ABCC4: variants seen among roughly 807,000 people sequenced by gnomAD.
ABCC4 encodes the protein ATP binding cassette subfamily C member 4 (PEL blood group).
A neutral mutation model predicts 168.5 loss-of-function variants in ABCC4; 102 were observed. The ratio of observed to expected loss-of-function variants is 0.61; its 90% confidence interval spans 0.52 to 0.71. The LOEUF (loss-of-function observed/expected upper bound fraction) is 0.71. Among genes scored for constraint, ABCC4 ranks in the 30% least tolerant of loss-of-function variants. The pLI is 0.00. For missense variants in ABCC4, 1,402 were observed against 1,605.8 expected (o/e 0.87, Z 2.17); for synonymous variants, 617 against 590.7 (o/e 1.04, Z -0.65).
chr13:95,290,934 G>A (rs1353666664), intron 1 of ABCC4, among the ~76,000 whole-genome samples: 1 of 144,540 alleles, frequency 6.9e-6, no homozygotes, highest in African/African-American at 2.6e-5. Context: ...GGAGGCAGAG[G>A]TTGTACTGAG....
chr13:95,262,007 G>A lies in ABCC4; in HGVS notation c.75-14254C>T, dbSNP rs181480634. On this transcript the variant is annotated intron_variant, in intron 1 of 30. Transcript: ENST00000645237. ...TAGTCCTAGCCACTCTGGAGGCTGA[G>A]GTAGGAGGAATGCTTGAGCCCAGGG... 1.1e-3 allele frequency among the ~76,000 whole-genome samples: 170 copies of A among 152,276 alleles called. 8 individuals carry two copies. The South Asian group carries it at 0.031, about 28-fold the overall frequency.
intron 4 of ABCC4, among the ~76,000 whole-genome samples, chr13:95,226,220 C>A (rs977386208): frequency 6.6e-6 from 1 of 151,310 alleles, no homozygotes; most frequent in Non-Finnish European, 1.5e-5. Flanking sequence ...CAACAGTTTC[C>A]TGTAAAACTT....
intron 25 of ABCC4, among the ~76,000 whole-genome samples, chr13:95,066,044 T>C (rs1482456568): frequency 6.6e-6 from 1 of 152,234 alleles, no homozygotes; most frequent in East Asian, 1.9e-4. Context: ...CTTAGCTCCA[T>C]GAGCAGGATT....
chr13:95,037,728 A>T (rs1047931336), intron 29 of ABCC4, among the ~76,000 whole-genome samples: 6 of 152,230 alleles, frequency 3.9e-5, no homozygotes, highest in Non-Finnish European at 2.9e-5. Context: ...TAATAACTGC[A>T]TATTTTAAGA....
At chr13:95,258,492 G>T (rs3764050) in intron 1 of ABCC4, among the ~76,000 whole-genome samples, 1 of 152,112 alleles carries the variant, frequency 6.6e-6, no homozygotes, top group Non-Finnish European at 1.5e-5. Flanking sequence ...CCTCATTGTC[G>T]ATCATTTATA....
At chr13:95,141,686 G>T (rs1463116204) in intron 19 of ABCC4, among the ~76,000 whole-genome samples, 1 of 152,216 alleles carries the variant, frequency 6.6e-6, no homozygotes, top group South Asian at 2.1e-4. Context: ...GCCAAAAAAA[G>T]AGAAGCTAAT....
chr13:95,167,528 C>T, intron 14 of ABCC4, among the ~76,000 whole-genome samples: 1 of 152,160 alleles, frequency 6.6e-6, no homozygotes, highest in East Asian at 1.9e-4. Flanking sequence ...GGTGGGTCCA[C>T]TGAGGAAAAT....
At chr13:95,222,985 T>G (rs1032077892) in intron 4 of ABCC4, among the ~76,000 whole-genome samples, 7 of 151,978 alleles carry the variant, frequency 4.6e-5, no homozygotes, top group African/African-American at 1.7e-4. Flanking sequence ...GCTACCCAGG[T>G]TGAGCACTAA....
Position 95,234,732 on chromosome 13 carries a change from A to G in ABCC4, c.409T>C (p.Tyr137His). Reference sequence around the variant, plus strand: ...GTGCAAAAAGTCAGCACCGTGGCATAGGCGTACGCTGTGTTCAAAGCCACA... The same window carrying G: ...GTGCAAAAAGTCAGCACCGTGGCATGGGCGTACGCTGTGTTCAAAGCCACA... Reference protein sequence around the residue: ...DSVALNTAYAYATVLTFCTLI... With the variant: ...DSVALNTAYAHATVLTFCTLI... The change falls in exon 4 of 31, where the codon TAT becomes CAT. Residue 137 changes from tyrosine to histidine, a missense_variant. By Grantham distance (83) the Tyr-to-His change is moderately conservative. Around this residue, in one of 3 missense-constraint regions of ABCC4, gnomAD observed 317 missense variants for 345.5 expected, o/e 0.92. Coordinates refer to ENST00000645237, the MANE Select transcript of ABCC4 (RefSeq NM_005845.5). The G allele has an allele frequency of 1.2e-6, 2 of 1,614,112 alleles. No individual in the cohort carries two copies. Among genetic ancestry groups the G allele is most frequent in the Non-Finnish European group, 1.7e-6 (2 of 1,179,966 alleles).
At chr13:95,025,100 A>G (rs2031331830) in intron 30 of ABCC4, among the ~76,000 whole-genome samples, 1 of 151,702 alleles carries the variant, frequency 6.6e-6, no homozygotes, top group Admixed American at 6.6e-5. Flanking sequence ...CAGAAGACAG[A>G]TTGCAATTGC....
At chr13:95,282,982 CCAAGGCAGGTGGATCA>C (rs1336330478) in intron 1 of ABCC4, among the ~76,000 whole-genome samples, 1 of 151,834 alleles carries the variant, frequency 6.6e-6, no homozygotes, top group Non-Finnish European at 1.5e-5. Context: ...CTTTGGGATC[CCAAGGCAGGTGGATCA>C]CAAGGTCAGG....
intron 20 of ABCC4, among the ~76,000 whole-genome samples, chr13:95,108,740 C>T (rs950478265): frequency 2.6e-5 from 4 of 151,132 alleles, no homozygotes; most frequent in African/African-American, 9.8e-5. Flanking sequence ...TCAAGTGATT[C>T]TCCTGCCTCA....
At chr13:95,218,989 G>GAGAA (rs1273439675) in intron 4 of ABCC4, among the ~76,000 whole-genome samples, 2 of 63,742 alleles carry the variant, frequency 3.1e-5, no homozygotes, top group Non-Finnish European at 7.0e-5. Context: ...AAGAAAGAGT[G>GAGAA]AGAAAGAAAG....
chr13:95,177,525 C>A (rs887474402), intron 13 of ABCC4, among the ~76,000 whole-genome samples, 182 bp downstream of exon 13: 1 of 152,166 alleles, frequency 6.6e-6, no homozygotes, highest in African/African-American at 2.4e-5. Flanking sequence ...TGTGTATTTT[C>A]CTACCTTGAC....
At chr13:95,124,712 C>CG (rs1555316373) in intron 19 of ABCC4, among the ~76,000 whole-genome samples, 1 of 16,790 alleles carries the variant, frequency 6.0e-5, no homozygotes, top group Admixed American at 8.0e-4. Flanking sequence ...CTACTAAAAA[C>CG]GAAAAAAAAA....
At chr13:95,170,364 T>C (rs1217910152) in intron 14 of ABCC4, 168 bp downstream of exon 14, 3 of 490,502 alleles carry the variant, frequency 6.1e-6, no homozygotes, top group Non-Finnish European at 1.1e-5. Context: ...TACTTTACGG[T>C]AATATGGTTT....
chr13:95,036,528 T>C (rs1043209878), intron 29 of ABCC4, among the ~76,000 whole-genome samples: 1 of 149,718 alleles, frequency 6.7e-6, no homozygotes, highest in Non-Finnish European at 1.5e-5. Flanking sequence ...AAAAAAAAAA[T>C]AATGTTCTCA....
chr13:95,164,374 T>C lies in ABCC4; in HGVS notation c.2175+4A>G. On this transcript the variant is annotated splice_donor_region_variant and intron_variant, in intron 16 of 30. Transcript: ENST00000645237. ...GAGGGCGCAAAACAAATGTCATTAT[T>C]TACCTGAGCTGCAGTGTTTAGGAGA... 1.9e-6 allele frequency: 3 copies of C among 1,613,916 alleles called. No individual in the cohort carries two copies. Among genetic ancestry groups the C allele is most frequent in the East Asian group, 2.2e-5 (1 of 44,850 alleles).
intron 1 of ABCC4, among the ~76,000 whole-genome samples, chr13:95,258,326 T>G (rs1377916913): frequency 6.6e-6 from 1 of 152,200 alleles, no homozygotes; most frequent in Non-Finnish European, 1.5e-5. Flanking sequence ...CCAGCCACCC[T>G]GGCCTGATGT....
Sources: allele counts gnomAD v4.1 joint callset (sites outside exome capture counted in the v4.1 genomes callset), GRCh38; gene constraint gnomAD v4.1.1; regional missense constraint gnomAD v4.1.1; transcripts MANE v1.5; gene names NCBI Gene and HGNC (gene_info 2026-07-23, HGNC 2026-07-21).